The following ZSCAN18 variants were observed in gnomAD, a reference collection of about 807,000 sequenced individuals.
The protein encoded by ZSCAN18 is zinc finger and SCAN domain containing 18.
In ZSCAN18, 16 loss-of-function variants were observed where a neutral mutation model predicts 31.1. The ratio of observed to expected loss-of-function variants is 0.51; its 90% CI spans 0.35 to 0.78. The LOEUF (loss-of-function observed/expected upper bound fraction) is 0.78, where lower values mean the gene tolerates loss of function less well. Ranked by LOEUF, ZSCAN18 falls within the 30% of genes least tolerant of loss-of-function variation. The probability of loss-of-function intolerance (pLI) is 0.01; values close to 1 mark genes in which losing one functional copy is unlikely to be tolerated. For missense variants in ZSCAN18, 731 were observed against 697.4 expected, an observed-to-expected ratio of 1.05 and a Z score of -0.54; for synonymous variants, 375 against 320.7, an observed-to-expected ratio of 1.17 and a Z score of -1.81.
At chr19:58,089,252 G>A (rs1220145993) in intron 2 of ZSCAN18, among the ~76,000 whole-genome samples, 2 of 131,164 alleles carry the variant, frequency 1.5e-5, no homozygotes, top group South Asian at 2.6e-4. Flanking sequence ...GCAGTGAGCC[G>A]AGATCCCGCC....
intron 1 of ZSCAN18, chr19:58,108,220 T>C: frequency 1.0e-6 from 1 of 985,634 alleles, no homozygotes; most frequent in Non-Finnish European, 1.2e-6. Flanking sequence ...ATAAGTTATG[T>C]GTGATCAATG....
In ZSCAN18 at chr19:58,085,174, T is replaced by A. The variant is rs1228740129; in HGVS notation, c.1044A>T (p.Gly348=). 2 of 1,610,832 alleles carry A rather than the reference T, an allele frequency of 1.2e-6. No homozygotes were observed. The highest frequency in any genetic ancestry group is 1.1e-5 in the South Asian group (1 of 90,964). ...GCTGGATGACGGACTGCCTCTGCGA[T>A]CCGGTGGCAGAGTCGGACTCCGCGT... ...PQDAESDSAT[G]SQRQSVIQQP... The change falls in exon 7 of 7, where the codon GGA becomes GGT. Residue 348 remains glycine (G), a synonymous_variant. Coordinates refer to ENST00000601144, the MANE Select transcript of ZSCAN18 (RefSeq NM_001145543.2).
intron 5 of ZSCAN18, chr19:58,086,669 GC>G: frequency 1.9e-6 from 1 of 517,310 alleles, no homozygotes; most frequent in Non-Finnish European, 3.4e-6. Flanking sequence ...GGGCCAGGAG[GC>G]CTTTCCAAAT....
intron 1 of ZSCAN18, among the ~76,000 whole-genome samples, chr19:58,094,355 G>A (rs909045014): frequency 6.6e-6 from 1 of 151,388 alleles, no homozygotes; most frequent in African/African-American, 2.4e-5. Context: ...AGCTTGCAGT[G>A]AGCCGAGATC....
In ZSCAN18 at chr19:58,089,913, T is replaced by C; in HGVS notation, c.355A>G (p.Lys119Glu). 6.2e-7 allele frequency: 1 copy of C among 1,613,666 alleles called. No homozygotes were observed. Among genetic ancestry groups the C allele is most frequent in the Non-Finnish European group, 8.5e-7 (1 of 1,179,700 alleles). The change falls in exon 2 of 7, where the codon AAG (lysine) becomes GAG (glutamate). Residue 119 changes from lysine to glutamate, a missense_variant. Transcript: ENST00000601144. ...AGGCCCTCCACCAGGGAGGCTGCCT[T>C]CTTGCAGCTCTCAGGGTACTGTGCC... ...VVAQYPESCK[K>E]AASLVEGLAD...
chr19:58,098,343 T>A, upstream of ZSCAN18: 1 of 985,470 alleles, frequency 1.0e-6, no homozygotes, highest in African/African-American at 1.7e-5. Flanking sequence ...CAGGTGACAG[T>A]GCGCATGGCC....
rs149865437 is a variant in ZSCAN18 at position 58,090,187 on chromosome 19, G to A, written c.81C>T (p.Ala27=). The A allele has an allele frequency of 2.5e-5, 41 of 1,613,708 alleles. No individual in the cohort carries two copies. In the African/African-American group the frequency reaches 4.7e-4, roughly 18 times the overall value. ...PPDLPTPGSA[A]GVQQEEPETI... is the part of the protein sequence containing the mutation. ...TCTCGGGTTCTTCCTGCTGGACTCC[G>A]GCTGCTGACCCCGGCGTGGGCAGAT... The change falls in exon 2 of 7, where the codon GCC becomes GCT. Residue 27 remains alanine (A), a synonymous_variant. Coordinates refer to ENST00000601144, the MANE Select transcript of ZSCAN18 (RefSeq NM_001145543.2). This position sits in a 1 kb window ranked among gnomAD's most constrained non-coding sequence, Gnocchi z 4.7.
intron 1 of ZSCAN18, among the ~76,000 whole-genome samples, chr19:58,104,957 C>T (rs968650199): frequency 2.6e-5 from 4 of 152,192 alleles, no homozygotes; most frequent in South Asian, 2.1e-4. Flanking sequence ...GTAGTGTTTT[C>T]ACAACTAGAA....
At chr19:58,087,092 C>A in intron 4 of ZSCAN18, 84 bp from the exon 5 acceptor site, 1 of 1,256,962 alleles carries the variant, frequency 8.0e-7, no homozygotes, top group Non-Finnish European at 1.1e-6. Context: ...CAGGAGCAGG[C>A]TAGGAGCCAG....
upstream of ZSCAN18, among the ~76,000 whole-genome samples, chr19:58,099,802 A>G (rs12980211): frequency 0.56 from 85,320 of 151,998 alleles, 25,874 homozygotes; most frequent in Non-Finnish European, 0.68. Flanking sequence ...ATGTACTGAT[A>G]TATCATTGTG....
chr19:58,102,875 T>C (rs2074606433), upstream of ZSCAN18, among the ~76,000 whole-genome samples: 2 of 152,186 alleles, frequency 1.3e-5, no homozygotes, highest in Admixed American at 6.6e-5. Context: ...CTCACACCTG[T>C]AATCTCAGCA....
intron 1 of ZSCAN18, among the ~76,000 whole-genome samples, chr19:58,095,504 C>G (rs984059567): frequency 6.6e-6 from 1 of 152,184 alleles, no homozygotes; most frequent in African/African-American, 2.4e-5. Flanking sequence ...GGCCTCCTGC[C>G]GGCCCTCCCC....
chr19:58,108,542 C>T, intron 1 of ZSCAN18: 2 of 986,022 alleles, frequency 2.0e-6, no homozygotes, highest in Middle Eastern at 5.2e-4. Flanking sequence ...TTTTGATGTA[C>T]AATCAGGTTG....
In ZSCAN18 at chr19:58,090,402, A is replaced by G; in HGVS notation, c.-119-16T>C. 1 of 1,517,050 alleles carries G rather than the reference A, an allele frequency of 6.6e-7. No individual in the cohort carries two copies. 94.0% of individuals were successfully genotyped at this position (1,517,050 alleles called of 1,614,324 possible). On this transcript the variant is annotated splice_polypyrimidine_tract_variant and intron_variant, in intron 1 of 6. Transcript: ENST00000601144. The surrounding 1 kb of genome is among the most constrained non-coding windows in gnomAD (Gnocchi z 4.7). ...ACCCACAGACCTGCAGAGGACACGG[A>G]CAAGGCAATGGCCTTGCATAAGGCC...
upstream of ZSCAN18, among the ~76,000 whole-genome samples, chr19:58,099,510 G>A (rs199918301): frequency 1.1e-4 from 17 of 152,268 alleles, no homozygotes; most frequent in East Asian, 2.3e-3. Context: ...TATTAGGATC[G>A]TTTTAAGTAT....
Position 58,084,372 on chromosome 19 carries a change from C to T in ZSCAN18, c.*313G>A, listed in dbSNP as rs936592066. 1 of 313,406 alleles carries T rather than the reference C, an allele frequency of 3.2e-6. No homozygotes were observed. Among genetic ancestry groups the T allele is most frequent in the Non-Finnish European group, 5.8e-6 (1 of 172,148 alleles). The allele number at this position is 313,406 out of a possible 1,614,324, so 19.4% of individuals were successfully genotyped here. On this transcript the variant is annotated 3_prime_UTR_variant, in exon 7 of 7. Coordinates refer to ENST00000601144, the MANE Select transcript of ZSCAN18 (RefSeq NM_001145543.2). The surrounding 1 kb of genome is among the most constrained non-coding windows in gnomAD (Gnocchi z 4.5). ...GCAGATCACGCACTTTAAGGCAACT[C>T]TACACTGCACAATGTCAAATAACCT...
chr19:58,095,173 C>T (rs550026776), intron 1 of ZSCAN18, among the ~76,000 whole-genome samples: 269 of 152,334 alleles, frequency 1.8e-3, no homozygotes, highest in South Asian at 1.4e-3. Flanking sequence ...GCAATGGAGG[C>T]ACAGAGCTCT....
chr19:58,087,554 C>T, intron 3 of ZSCAN18, 150 bp from the exon 4 acceptor site: 1 of 672,502 alleles, frequency 1.5e-6, no homozygotes. Flanking sequence ...ACACCTTTCC[C>T]TGATTTACAA....
In ZSCAN18 at chr19:58,084,839, T is replaced by G. The variant is rs1342301990; in HGVS notation, c.1379A>C (p.Gln460Pro). 1.3e-6 allele frequency: 2 copies of G among 1,598,872 alleles called. No homozygotes were observed. Among genetic ancestry groups the G allele is most frequent in the Non-Finnish European group, 1.7e-6 (2 of 1,175,030 alleles). The change falls in exon 7 of 7, where the codon CAG becomes CCG. Residue 460 changes from glutamine (Q) to proline (P), a missense_variant. Physicochemically the swap from Gln to Pro is moderately conservative, Grantham distance 76. Transcript: ENST00000601144. This position sits in a 1 kb window ranked among gnomAD's most constrained non-coding sequence, Gnocchi z 4.5. ...GCTTTTCTCCTTCTCGTGGGTCTTC[T>G]GGTGCTCGGCTAGGGCCAGGCTGAA... ...FHFSLALAEHQKTHEKEKSYA... is the reference protein window; with the variant it reads ...FHFSLALAEHPKTHEKEKSYA...
Sources: gnomAD v4.1 joint callset for allele counts (sites outside exome capture counted in the v4.1 genomes callset) on GRCh38, gnomAD v4.1.1 for gene constraint, Gnocchi (gnomAD v3.1) non-coding constraint, MANE v1.5 for transcripts, NCBI Gene and HGNC (gene_info 2026-07-23, HGNC 2026-07-21) for gene names.